The following TOLLIP variants were observed in gnomAD, a reference collection of about 807,000 sequenced individuals.
TOLLIP encodes toll-interacting protein.
A neutral mutation model predicts 33.5 loss-of-function variants in TOLLIP; 16 were observed. The observed-to-expected ratio is 0.48, with a 90% confidence interval of 0.32 to 0.72. The LOEUF (loss-of-function observed/expected upper bound fraction) is 0.72. TOLLIP is among the 30% of genes least tolerant of loss of function. The pLI is 0.03. For synonymous variants in TOLLIP, 176 were observed against 163.7 expected (o/e 1.07, Z -0.57); for missense variants, 325 against 396.6 (o/e 0.82, Z 1.53).
At chr11:1,284,550 C>T (rs571811563) in intron 5 of TOLLIP, among the ~76,000 whole-genome samples, 93 of 152,276 alleles carry the variant, frequency 6.1e-4, no homozygotes, top group African/African-American at 1.9e-3. Flanking sequence ...GGGGTTTCAC[C>T]GTGTTGGCCA....
intron 5 of TOLLIP, among the ~76,000 whole-genome samples, chr11:1,282,145 C>T (rs572649311): frequency 6.9e-4 from 105 of 152,348 alleles, no homozygotes; most frequent in Non-Finnish European, 1.2e-3. Context: ...AAACAGCTAA[C>T]GCCAGGGCTA....
At chr11:1,289,753 G>A (rs777358348) in intron 3 of TOLLIP, among the ~76,000 whole-genome samples, 6 of 150,128 alleles carry the variant, frequency 4.0e-5, no homozygotes, top group Admixed American at 6.6e-5. Flanking sequence ...CCAGCGGGGC[G>A]GACACATGCA....
In TOLLIP at chr11:1,275,774, C is replaced by T. The variant is rs1863277814; in HGVS notation, c.*1265G>A. Reference sequence around the variant, plus strand: ...AGGGAGAAAAAGACTAAAATGTAAGCACTAACTTCCTCCTTCTGCATCTTC... The same window carrying T: ...AGGGAGAAAAAGACTAAAATGTAAGTACTAACTTCCTCCTTCTGCATCTTC... On this transcript the variant is annotated 3_prime_UTR_variant, in exon 6 of 6. Coordinates refer to ENST00000317204, the MANE Select transcript of TOLLIP (RefSeq NM_019009.4). The T allele has an allele frequency of 6.6e-6, 1 of 152,202 alleles. No individual in the cohort carries two copies. The highest frequency in any genetic ancestry group is 1.9e-4 in the East Asian group (1 of 5,200). 9.4% of individuals were successfully genotyped at this position (152,202 alleles called of 1,614,324 possible).
At chr11:1,289,821 G>C (rs541153238) in intron 3 of TOLLIP, among the ~76,000 whole-genome samples, 1 of 148,284 alleles carries the variant, frequency 6.7e-6, no homozygotes, top group Non-Finnish European at 1.5e-5. Flanking sequence ...GCCCAGTGGC[G>C]GGGGACACAT....
rs1863782137 is a variant in TOLLIP at position 1,287,759 on chromosome 11, CCCTCCCCGCCGCAG to C, written c.519+851_519+864del. Among the ~76,000 whole-genome samples the C allele has an allele frequency of 2.2e-3, 4 of 1,848 alleles. 2 individuals are homozygous for C. The highest frequency in any genetic ancestry group is 3.2e-3 in the African/African-American group (2 of 620). The allele number at this position is 1,848 out of a possible 152,430, so 1.2% of individuals were successfully genotyped here. On this transcript the variant is annotated intron_variant, in intron 4 of 5. Coordinates refer to ENST00000317204, the MANE Select transcript of TOLLIP (RefSeq NM_019009.4). The stretch of plus-strand genomic sequence containing the variant: ...TCCCCGCCGCAGCCTCCCCGCCGCA[CCCTCCCCGCCGCAG>C]CCTCCCCGCCGCACCCTCCCTGCCG...
In TOLLIP at chr11:1,303,267, C is replaced by T. The variant is rs562779947; in HGVS notation, c.33+6199G>A. On this transcript the variant is annotated intron_variant, in intron 1 of 5. Coordinates refer to ENST00000317204, the MANE Select transcript of TOLLIP (RefSeq NM_019009.4). This position sits in a 1 kb window ranked among gnomAD's most constrained non-coding sequence, Gnocchi z 4.2. Reference sequence around the variant, plus strand: ...CTGGGACGGTCAAGCAAGGCAGAGGCGGAAAACCCCTTCTCATTCAGATGA... The same window carrying T: ...CTGGGACGGTCAAGCAAGGCAGAGGTGGAAAACCCCTTCTCATTCAGATGA... Among the ~76,000 whole-genome samples the T allele has an allele frequency of 6.6e-4, 101 of 152,192 alleles. No individual in the cohort carries two copies. The highest frequency in any genetic ancestry group is 2.2e-3 in the African/African-American group (93 of 41,512).
chr11:1,290,811 C>CA lies in TOLLIP; in HGVS notation c.184-403_184-402insT. On this transcript the variant is annotated intron_variant, in intron 2 of 5. Transcript: ENST00000317204. This position sits in a 1 kb window ranked among gnomAD's most constrained non-coding sequence, Gnocchi z 4.9. ...ATGACATGGAGTGTGAACCTGCCCC[C>CA]GGAGCATGATGACCCGGGAGAGGTG... is the stretch of plus-strand genomic sequence containing the variant. 5.6e-6 allele frequency: 1 copy of CA among 178,900 alleles called. No individual in the cohort carries two copies. The highest frequency in any genetic ancestry group is 5.6e-5 in the Admixed American group (1 of 17,960). 11.1% of individuals were successfully genotyped at this position (178,900 alleles called of 1,614,324 possible). A position where few individuals can be genotyped will look rare whatever the true frequency, so the allele number is the denominator to read the frequency against.
Position 1,289,889 on chromosome 11 carries a change from G to A in TOLLIP, c.366+338C>T, listed in dbSNP as rs190607240. On this transcript the variant is annotated intron_variant, in intron 3 of 5. Coordinates refer to ENST00000317204, the MANE Select transcript of TOLLIP (RefSeq NM_019009.4). ...GTGAGCGGCCAGATCAGTGCCCAGC[G>A]GAGGGGACACGTGCACGCTCTGTCC... is the stretch of plus-strand genomic sequence containing the variant. Among the ~76,000 whole-genome samples the A allele has an allele frequency of 7.1e-5, 10 of 141,028 alleles. No homozygotes were observed. The East Asian group carries it at 8.6e-4, about 12-fold the overall frequency. 92.5% of individuals were successfully genotyped at this position (141,028 alleles called of 152,430 possible).
At position 1,276,884 on chromosome 11, in the gene TOLLIP, C is replaced by T; in HGVS notation, c.*155G>A. ...GCCAGGAACCGAAAACCCACATGCA[C>T]CCAAGAACAGGTGTGGACGGGGCGG... On this transcript the variant is annotated 3_prime_UTR_variant, in exon 6 of 6. Transcript: ENST00000317204. The T allele has an allele frequency of 6.5e-7, 1 of 1,549,406 alleles. No homozygotes were observed. The highest frequency in any genetic ancestry group is 8.7e-7 in the Non-Finnish European group (1 of 1,152,922).
At chr11:1,297,256 G>A (rs1864139875) in intron 1 of TOLLIP, among the ~76,000 whole-genome samples, 1 of 152,168 alleles carries the variant, frequency 6.6e-6, no homozygotes, top group Non-Finnish European at 1.5e-5. Flanking sequence ...ACGGTGCCAG[G>A]CAGGGCTCCA....
chr11:1,278,078 C>T lies in TOLLIP; in HGVS notation c.611-825G>A, dbSNP rs995715208. 2.6e-5 allele frequency among the ~76,000 whole-genome samples: 4 copies of T among 152,178 alleles called. No homozygotes were observed. Among genetic ancestry groups the T allele is most frequent in the African/African-American group, 9.7e-5 (4 of 41,440 alleles). On this transcript the variant is annotated intron_variant, in intron 5 of 5. Coordinates refer to ENST00000317204, the MANE Select transcript of TOLLIP (RefSeq NM_019009.4). The surrounding 1 kb of genome is among the most constrained non-coding windows in gnomAD (Gnocchi z 4.7). The stretch of plus-strand genomic sequence containing the variant: ...GAGACGCACGGCGGTTCAGCCACTG[C>T]AGCACACACACCCCTGAAGGCACCG...
Position 1,277,496 on chromosome 11 carries a change from C to T in TOLLIP, c.611-243G>A, listed in dbSNP as rs1863348820. ...TGTGACGCCTCCTTCACTAACTCAT[C>T]TTCCTTCCATATAAAAATCAAAGTT... On this transcript the variant is annotated intron_variant, in intron 5 of 5. Transcript: ENST00000317204. This position sits in a 1 kb window ranked among gnomAD's most constrained non-coding sequence, Gnocchi z 4.2. Among the ~76,000 whole-genome samples the T allele has an allele frequency of 6.6e-6, 1 of 152,216 alleles. No homozygotes were observed. The highest frequency in any genetic ancestry group is 6.5e-5 in the Admixed American group (1 of 15,274).
chr11:1,307,315 G>A (rs775016530), intron 1 of TOLLIP, among the ~76,000 whole-genome samples: 1 of 152,230 alleles, frequency 6.6e-6, no homozygotes, highest in Non-Finnish European at 1.5e-5. Context: ...CAGCCCAGGA[G>A]GCACTGGGCA....
chr11:1,276,567 G>T lies in TOLLIP; in HGVS notation c.*472C>A. On this transcript the variant is annotated 3_prime_UTR_variant, in exon 6 of 6. Transcript: ENST00000317204. The stretch of plus-strand genomic sequence containing the variant: ...CAGGCTCACAGCAAAGCGCGTTAGG[G>T]CAAGGGCGTGAGTTTTCGTCTGGGA... 3 of 926,930 alleles carry T rather than the reference G, an allele frequency of 3.2e-6. No individual in the cohort carries two copies. The highest frequency in any genetic ancestry group is 4.4e-6 in the Non-Finnish European group (3 of 676,098). The allele number at this position is 926,930 out of a possible 1,614,324, so 57.4% of individuals were successfully genotyped here. A position where few individuals can be genotyped will look rare whatever the true frequency, so the allele number is the denominator to read the frequency against.
intron 1 of TOLLIP, among the ~76,000 whole-genome samples, chr11:1,305,231 G>C (rs577459283): frequency 6.6e-6 from 1 of 152,304 alleles, no homozygotes; most frequent in East Asian, 1.9e-4. Context: ...CAGCGCAAAG[G>C]TTCACAGGAA....
chr11:1,292,703 C>A (rs897160688), intron 2 of TOLLIP, among the ~76,000 whole-genome samples: 1 of 151,934 alleles, frequency 6.6e-6, no homozygotes, highest in Non-Finnish European at 1.5e-5. Context: ...TCCCCCACAA[C>A]GGGCAAGAGA....
chr11:1,287,204 T>C (rs1252277024), intron 4 of TOLLIP, among the ~76,000 whole-genome samples: 2 of 152,244 alleles, frequency 1.3e-5, no homozygotes, highest in African/African-American at 4.8e-5. Flanking sequence ...AGTTCGAAAC[T>C]GTCAACTGCA....
chr11:1,295,503 C>T (rs1864084818), intron 2 of TOLLIP, 142 bp downstream of exon 2: 1 of 1,120,260 alleles, frequency 8.9e-7, no homozygotes, highest in Non-Finnish European at 1.3e-6. Context: ...TCGTTTTCAA[C>T]ATCACACAGG....
Position 1,276,025 on chromosome 11 carries a change from C to A in TOLLIP, c.*1014G>T, listed in dbSNP as rs572525838. The A allele has an allele frequency of 1.3e-5, 2 of 152,258 alleles. No individual in the cohort carries two copies. The highest frequency in any genetic ancestry group is 1.5e-5 in the Non-Finnish European group (1 of 68,072). 9.4% of individuals were successfully genotyped at this position (152,258 alleles called of 1,614,324 possible). On this transcript the variant is annotated 3_prime_UTR_variant, in exon 6 of 6. Coordinates refer to ENST00000317204, the MANE Select transcript of TOLLIP (RefSeq NM_019009.4). ...CTGTAGGCCAAGATGCTACACGCAG[C>A]GCCCAGGCAGTCAGAGGTAAGTGAG...
Sources: gnomAD v4.1 joint callset for allele counts (sites outside exome capture counted in the v4.1 genomes callset) on GRCh38, gnomAD v4.1.1 for gene constraint, Gnocchi (gnomAD v3.1) non-coding constraint, MANE v1.5 for transcripts, NCBI Gene and HGNC (gene_info 2026-07-23, HGNC 2026-07-21) for gene names.